HS3ST5: variants seen among roughly 807,000 people sequenced by gnomAD.
The protein encoded by HS3ST5 is heparan sulfate-glucosamine 3-sulfotransferase 5.
A neutral mutation model predicts 25.4 loss-of-function variants in HS3ST5; 10 were observed. The ratio of observed to expected loss-of-function variants is 0.39; its 90% CI spans 0.24 to 0.67. HS3ST5 has a LOEUF of 0.67. HS3ST5 is among the 30% of genes least tolerant of loss of function. The probability of loss-of-function intolerance (pLI) is 0.44; values close to 1 mark genes in which losing one functional copy is unlikely to be tolerated. For missense variants in HS3ST5, 324 were observed against 420.7 expected (o/e 0.77, Z 2.01); for synonymous variants, 170 against 162.4 (o/e 1.05, Z -0.36).
intron 3 of HS3ST5, among the ~76,000 whole-genome samples, chr6:114,149,031 A>AT (rs1204477819): frequency 1.4e-4 from 22 of 152,360 alleles, no homozygotes; most frequent in African/African-American, 5.0e-4. Context: ...CCACAGTGAG[A>AT]TACCATCTCA....
chr6:114,140,770 T>C (rs1260979302), intron 3 of HS3ST5, among the ~76,000 whole-genome samples: 1 of 152,170 alleles, frequency 6.6e-6, no homozygotes, highest in African/African-American at 2.4e-5. Flanking sequence ...CAAAAATGGC[T>C]AGTTTGTTAT....
chr6:114,175,697 C>T (rs1779691759), intron 2 of HS3ST5, among the ~76,000 whole-genome samples: 2 of 152,080 alleles, frequency 1.3e-5, no homozygotes, highest in African/African-American at 2.4e-5. Context: ...TTAATAATTG[C>T]CACAGCAGTA....
At chr6:114,319,996 T>C (rs1350622070) in intron 1 of HS3ST5, among the ~76,000 whole-genome samples, 2 of 151,998 alleles carry the variant, frequency 1.3e-5, no homozygotes, top group Admixed American at 1.3e-4. Context: ...TTTTGTAATC[T>C]TTCACTGGAG....
Position 114,152,684 on chromosome 6 carries a change from G to A in HS3ST5, c.-33+15667C>T, listed in dbSNP as rs567962684. 5.9e-5 allele frequency among the ~76,000 whole-genome samples: 9 copies of A among 152,226 alleles called. 1 individual carries two copies. The East Asian group carries it at 1.7e-3, about 29-fold the overall frequency. Reference sequence around the variant, plus strand: ...AGTTTGTCAAGTTAGAGGGGCCAGCGCTGGCTCAGTTCTCCGCCTGGACAC... The same window carrying A: ...AGTTTGTCAAGTTAGAGGGGCCAGCACTGGCTCAGTTCTCCGCCTGGACAC... On this transcript the variant is annotated intron_variant, in intron 3 of 4. Transcript: ENST00000312719.
intron 3 of HS3ST5, among the ~76,000 whole-genome samples, chr6:114,116,748 C>T (rs1461996792): frequency 6.6e-6 from 1 of 152,082 alleles, no homozygotes; most frequent in Non-Finnish European, 1.5e-5. Context: ...CCATTTTCCC[C>T]CACCACTGAC....
intron 3 of HS3ST5, among the ~76,000 whole-genome samples, chr6:114,139,961 T>C (rs964883931): frequency 6.6e-6 from 1 of 152,246 alleles, no homozygotes. Context: ...TTTCTGGCCC[T>C]TAGTCTTTGT....
chr6:114,092,120 T>A (rs970454600), intron 3 of HS3ST5, among the ~76,000 whole-genome samples: 2 of 152,222 alleles, frequency 1.3e-5, no homozygotes, highest in Admixed American at 6.5e-5. Flanking sequence ...TTTCTGTGAT[T>A]CTCAGTTGCA....
At chr6:114,279,817 G>C (rs934380796) in intron 1 of HS3ST5, among the ~76,000 whole-genome samples, 2 of 151,972 alleles carry the variant, frequency 1.3e-5, no homozygotes, top group African/African-American at 4.8e-5. Flanking sequence ...CAAACAGTGT[G>C]CTCATTCATT....
At chr6:114,274,864 T>C (rs1562260698) in intron 1 of HS3ST5, among the ~76,000 whole-genome samples, 1 of 151,990 alleles carries the variant, frequency 6.6e-6, no homozygotes, top group Non-Finnish European at 1.5e-5. Context: ...AGAGTCATCT[T>C]TGTGCTCGTT....
At chr6:114,137,918 C>T (rs1777708901) in intron 3 of HS3ST5, among the ~76,000 whole-genome samples, 1 of 151,984 alleles carries the variant, frequency 6.6e-6, no homozygotes, top group Non-Finnish European at 1.5e-5. Flanking sequence ...TTCAATATCC[C>T]CAAATAGATC....
At chr6:114,284,605 G>C (rs918531171) in intron 1 of HS3ST5, among the ~76,000 whole-genome samples, 9 of 151,850 alleles carry the variant, frequency 5.9e-5, no homozygotes, top group African/African-American at 2.2e-4. Context: ...GGAACCCAGG[G>C]AAAAGAAGAG....
chr6:114,087,121 C>CTA, intron 3 of HS3ST5, among the ~76,000 whole-genome samples: 1 of 152,218 alleles, frequency 6.6e-6, no homozygotes, highest in African/African-American at 2.4e-5. Context: ...CAAAGTGGAG[C>CTA]CACTTTGCAT....
intron 1 of HS3ST5, among the ~76,000 whole-genome samples, chr6:114,243,986 G>A (rs1772263400): frequency 6.6e-6 from 1 of 152,214 alleles, no homozygotes; most frequent in Non-Finnish European, 1.5e-5. Flanking sequence ...ATAGTAGAGG[G>A]TAAGATGAGG....
chr6:114,312,825 A>C (rs2114850242), intron 1 of HS3ST5, among the ~76,000 whole-genome samples: 1 of 151,924 alleles, frequency 6.6e-6, no homozygotes, highest in Middle Eastern at 3.4e-3. Flanking sequence ...AGGCCAGGAG[A>C]TCAAGACCAG....
chr6:114,145,468 T>A (rs1248793836), intron 3 of HS3ST5, among the ~76,000 whole-genome samples: 1 of 152,052 alleles, frequency 6.6e-6, no homozygotes, highest in Non-Finnish European at 1.5e-5. Flanking sequence ...AATGTCGGGT[T>A]TGGGAGAGAC....
chr6:114,313,970 G>A (rs1230110980), intron 1 of HS3ST5, among the ~76,000 whole-genome samples: 1 of 152,120 alleles, frequency 6.6e-6, no homozygotes, highest in African/African-American at 2.4e-5. Flanking sequence ...CTGTTGCCCT[G>A]GCTGGAGGGC....
intron 3 of HS3ST5, among the ~76,000 whole-genome samples, chr6:114,064,735 T>A (rs566380092): frequency 8.5e-5 from 13 of 152,324 alleles, no homozygotes; most frequent in Admixed American, 5.2e-4. Context: ...GATTAATGCA[T>A]ACTTACAAAT....
intron 3 of HS3ST5, chr6:114,142,978 G>C (rs1022699326): frequency 6.6e-6 from 1 of 152,256 alleles, no homozygotes; most frequent in African/African-American, 2.4e-5. Flanking sequence ...GTGGTGGACG[G>C]TGGCCACAGT....
At chr6:114,340,084 G>A (rs1454081849) in intron 1 of HS3ST5, among the ~76,000 whole-genome samples, 2 of 152,130 alleles carry the variant, frequency 1.3e-5, no homozygotes, top group Admixed American at 1.3e-4. Context: ...GAGTAAGAAG[G>A]TTATTCATTC....
Sources: allele counts gnomAD v4.1 joint callset (sites outside exome capture counted in the v4.1 genomes callset), GRCh38; gene constraint gnomAD v4.1.1; transcripts MANE v1.5; gene names NCBI Gene and HGNC (gene_info 2026-07-23, HGNC 2026-07-21).